Variants in PIK3CB observed in about 807,000 individuals in gnomAD.
PIK3CB encodes phosphatidylinositol-4,5-bisphosphate 3-kinase catalytic subunit beta, also known as phosphatidylinositol 4,5-bisphosphate 3-kinase catalytic subunit beta isoform.
A neutral mutation model predicts 136.8 loss-of-function variants in PIK3CB; 39 were observed. The ratio of observed to expected loss-of-function variants is 0.29; its 90% CI spans 0.22 to 0.37. The LOEUF is 0.37. Among genes scored for constraint, PIK3CB ranks in the 10% least tolerant of loss-of-function variants. The pLI is 1.00. For missense variants in PIK3CB, 868 were observed against 1,275.4 expected (o/e 0.68, Z 4.87); for synonymous variants, 428 against 436.6 (o/e 0.98, Z 0.25).
At chr3:138,700,387 C>A (rs749924258) in intron 12 of PIK3CB, among the ~76,000 whole-genome samples, 4 of 151,954 alleles carry the variant, frequency 2.6e-5, no homozygotes, top group African/African-American at 9.7e-5. Flanking sequence ...GTGTGGAATA[C>A]GCTGTTGTAT....
chr3:138,692,826 C>G (rs1478237008), intron 14 of PIK3CB, among the ~76,000 whole-genome samples: 1 of 152,204 alleles, frequency 6.6e-6, no homozygotes, highest in Non-Finnish European at 1.5e-5. Flanking sequence ...GGATAAACTT[C>G]ATTGTCTGAG....
At chr3:138,780,634 G>A (rs2045913206) in intron 2 of PIK3CB, among the ~76,000 whole-genome samples, 1 of 44,552 alleles carries the variant, frequency 2.2e-5, no homozygotes, top group Middle Eastern at 7.9e-3. Flanking sequence ...AAAGCAGTGT[G>A]GGCTAAATGT....
intron 22 of PIK3CB, 98 bp from the exon 23 acceptor site, chr3:138,656,372 G>A: frequency 1.6e-6 from 2 of 1,287,736 alleles, no homozygotes; most frequent in Non-Finnish European, 2.1e-6. Context: ...CTTTCTATTA[G>A]AATAAGAAAA....
chr3:138,811,279 G>A (rs1278340009), intron 1 of PIK3CB, among the ~76,000 whole-genome samples: 1 of 142,592 alleles, frequency 7.0e-6, no homozygotes, highest in Non-Finnish European at 1.5e-5. Context: ...CTAAGACACT[G>A]TCATGGCACC....
At chr3:138,808,750 C>CTCTCTCTCTCTCTATA (rs1553743007) in intron 1 of PIK3CB, among the ~76,000 whole-genome samples, 1 of 150,068 alleles carries the variant, frequency 6.7e-6, no homozygotes, top group African/African-American at 2.5e-5. Flanking sequence ...CTCTCTCTCT[C>CTCTCTCTCTCTCTATA]TATATATATA....
chr3:138,771,890 C>A (rs2045804560), intron 2 of PIK3CB, among the ~76,000 whole-genome samples: 1 of 147,906 alleles, frequency 6.8e-6, no homozygotes, highest in Non-Finnish European at 1.5e-5. Context: ...GAACTGCACT[C>A]CAGCACGGGC....
intron 1 of PIK3CB, among the ~76,000 whole-genome samples, chr3:138,805,257 C>G (rs2046220293): frequency 6.6e-6 from 1 of 150,898 alleles, no homozygotes; most frequent in African/African-American, 2.4e-5. Flanking sequence ...TCCTTGAACC[C>G]GGGAGGCGGA....
intron 19 of PIK3CB, among the ~76,000 whole-genome samples, chr3:138,680,493 ATC>A (rs1252315770): frequency 2.0e-5 from 3 of 152,176 alleles, no homozygotes; most frequent in Non-Finnish European, 4.4e-5. Context: ...TTGTGTATAA[ATC>A]TCTGTCTACA....
intron 15 of PIK3CB, 33 bp downstream of exon 15, chr3:138,690,967 T>C: frequency 1.9e-6 from 3 of 1,559,350 alleles, no homozygotes; most frequent in Middle Eastern, 1.7e-4. Flanking sequence ...CTAAAGCACC[T>C]GGTGGGCTCA....
intron 19 of PIK3CB, among the ~76,000 whole-genome samples, chr3:138,673,372 C>A: frequency 6.6e-6 from 1 of 152,056 alleles, no homozygotes; most frequent in Non-Finnish European, 1.5e-5. Context: ...GTACTGCAGA[C>A]AAAGGCAAAG....
chr3:138,743,367 C>G (rs571273577), intron 4 of PIK3CB, among the ~76,000 whole-genome samples: 1 of 152,144 alleles, frequency 6.6e-6, no homozygotes, highest in African/African-American at 2.4e-5. Context: ...CCAAAGAAAA[C>G]CTAGTACACT....
At position 138,655,045 on chromosome 3, in the gene PIK3CB, T is replaced by C; in HGVS notation, c.*344A>G. ...TGAGTGACAATACTTGGTCACAACA[T>C]TGAAAAGAAGTATTTACACCATTCT... On this transcript the variant is annotated 3_prime_UTR_variant, in exon 24 of 24. Coordinates refer to ENST00000674063, the MANE Select transcript of PIK3CB (RefSeq NM_006219.3). 8.0e-6 allele frequency: 2 copies of C among 251,106 alleles called. No individual in the cohort carries two copies. Among genetic ancestry groups the C allele is most frequent in the Non-Finnish European group, 1.5e-5 (2 of 130,090 alleles). 15.6% of individuals were successfully genotyped at this position (251,106 alleles called of 1,614,324 possible).
chr3:138,818,128 T>C (rs879639714), intron 1 of PIK3CB, among the ~76,000 whole-genome samples: 2 of 152,158 alleles, frequency 1.3e-5, no homozygotes, highest in Non-Finnish European at 2.9e-5. Flanking sequence ...CCTGTCTCTA[T>C]TTAAAATAAT....
intron 2 of PIK3CB, among the ~76,000 whole-genome samples, chr3:138,762,932 C>CTGCCTCAGA (rs2045681645): frequency 6.6e-6 from 1 of 151,936 alleles, no homozygotes; most frequent in Admixed American, 6.6e-5. Flanking sequence ...TGCACTCCAG[C>CTGCCTCAGA]CTGGGCAACA....
intron 21 of PIK3CB, among the ~76,000 whole-genome samples, chr3:138,659,330 A>G (rs1271593632): frequency 6.6e-6 from 1 of 152,132 alleles, no homozygotes; most frequent in Non-Finnish European, 1.5e-5. Flanking sequence ...GTGACCCTGC[A>G]AGTTGGAAAA....
chr3:138,736,979 C>T (rs1168934033), intron 6 of PIK3CB, among the ~76,000 whole-genome samples: 3 of 152,166 alleles, frequency 2.0e-5, no homozygotes, highest in East Asian at 3.9e-4. Context: ...AAATACTTTA[C>T]CTCCCCCAGA....
intron 8 of PIK3CB, among the ~76,000 whole-genome samples, chr3:138,716,712 A>G (rs1243748007): frequency 1.3e-5 from 2 of 151,736 alleles, no homozygotes; most frequent in Non-Finnish European, 2.9e-5. Context: ...CCTGGCCAAC[A>G]TGGTGGAACA....
chr3:138,734,955 T>G (rs1223181990), intron 6 of PIK3CB, 151 bp from the exon 7 acceptor site: 1 of 370,624 alleles, frequency 2.7e-6, no homozygotes, highest in Non-Finnish European at 4.6e-6. Flanking sequence ...AAAAAAAATT[T>G]TTTTTTTTTT....
intron 22 of PIK3CB, among the ~76,000 whole-genome samples, chr3:138,657,030 G>C (rs1337717410): frequency 2.6e-5 from 4 of 152,144 alleles, no homozygotes; most frequent in African/African-American, 9.7e-5. Flanking sequence ...GCCTCCCAAA[G>C]TGCTGAGATT....
Sources: allele counts gnomAD v4.1 joint callset (sites outside exome capture counted in the v4.1 genomes callset), GRCh38; gene constraint gnomAD v4.1.1; transcripts MANE v1.5; gene names NCBI Gene and HGNC (gene_info 2026-07-23, HGNC 2026-07-21).